CDH2: variants seen among roughly 807,000 people sequenced by gnomAD.
The protein encoded by CDH2 is cadherin-2.
In CDH2, 17 loss-of-function variants were observed where a neutral mutation model predicts 92.0. The observed-to-expected ratio is 0.18, with a 90% CI of 0.13 to 0.28. CDH2 has a LOEUF of 0.28. Among genes scored for constraint, CDH2 ranks in the 10% least tolerant of loss-of-function variants. CDH2 has a pLI of 1.00. For missense variants in CDH2, 862 were observed against 1,133.1 expected, an observed-to-expected ratio of 0.76 and a Z score of 3.44; for synonymous variants, 419 against 415.9, an observed-to-expected ratio of 1.01 and a Z score of -0.09.
Position 28,060,255 on chromosome 18 carries a change from C to T in CDH2, c.173-46346G>A, listed in dbSNP as rs1028481735. On this transcript the variant is annotated intron_variant, in intron 2 of 15. Coordinates refer to ENST00000269141, the MANE Select transcript of CDH2 (RefSeq NM_001792.5). ...AATCTGGAGTGTAGTGGCACAATCT[C>T]GGTTCACTGCACTCTCTGCCTCCCA... 1.2e-4 allele frequency among the ~76,000 whole-genome samples: 19 copies of T among 152,084 alleles called. No individual in the cohort carries two copies. The East Asian group carries it at 1.5e-3, about 12-fold the overall frequency.
chr18:27,971,398 T>C lies in CDH2; in HGVS notation c.2350-7877A>G, dbSNP rs141449981. Among the ~76,000 whole-genome samples, 5 of 151,960 alleles carry C rather than the reference T, an allele frequency of 3.3e-5. 1 individual carries two copies. In the East Asian group the frequency reaches 9.7e-4, roughly 29 times the overall value. Reference sequence around the variant, plus strand: ...TAGTAGAATATCAATAACTTTCCATTTCCCTAAAACGAAATATAGAAAATT... The same window carrying C: ...TAGTAGAATATCAATAACTTTCCATCTCCCTAAAACGAAATATAGAAAATT... On this transcript the variant is annotated intron_variant, in intron 14 of 15. Coordinates refer to ENST00000269141, the MANE Select transcript of CDH2 (RefSeq NM_001792.5).
At chr18:28,020,196 C>T (rs1490453903) in intron 2 of CDH2, among the ~76,000 whole-genome samples, 1 of 151,980 alleles carries the variant, frequency 6.6e-6, no homozygotes, top group Non-Finnish European at 1.5e-5. Context: ...GGAACAAACA[C>T]TAAAACTTAC....
At chr18:28,122,411 C>T (rs1008297594) in intron 2 of CDH2, among the ~76,000 whole-genome samples, 1 of 152,012 alleles carries the variant, frequency 6.6e-6, no homozygotes, top group African/African-American at 2.4e-5. Context: ...TTTTTGTTTT[C>T]CCTACTCATT....
At position 27,951,974 on chromosome 18, in the gene CDH2, C is replaced by T; in HGVS notation, c.*179G>A. ...AGTGTAACTGAGCTCAGTGTTTTTCCAAACAGTATGGATCACTGATATTCC... is the reference window on the plus strand; with the variant it reads ...AGTGTAACTGAGCTCAGTGTTTTTCTAAACAGTATGGATCACTGATATTCC... On this transcript the variant is annotated 3_prime_UTR_variant, in exon 16 of 16. Transcript: ENST00000269141. 2 of 599,666 alleles carry T rather than the reference C, an allele frequency of 3.3e-6. No individual in the cohort carries two copies. The highest frequency in any genetic ancestry group is 5.9e-6 in the Non-Finnish European group (2 of 336,840). The allele number at this position is 599,666 out of a possible 1,614,324, so 37.1% of individuals were successfully genotyped here.
intron 1 of CDH2, among the ~76,000 whole-genome samples, chr18:28,163,765 T>C (rs987730568): frequency 6.6e-6 from 1 of 152,202 alleles, no homozygotes; most frequent in Non-Finnish European, 1.5e-5. Context: ...AAAAATACAT[T>C]ATATATACAC....
chr18:28,068,518 TCAACAAATTAAAAA>T (rs2014553905), intron 2 of CDH2, among the ~76,000 whole-genome samples: 1 of 152,018 alleles, frequency 6.6e-6, no homozygotes, highest in African/African-American at 2.4e-5. Flanking sequence ...GTACAAAACA[TCAACAAATTAAAAA>T]TAAACTGAAT....
chr18:28,175,549 A>AG (rs112858058), intron 1 of CDH2, among the ~76,000 whole-genome samples: 17,161 of 152,050 alleles, frequency 0.11, 3,193 homozygotes, highest in African/African-American at 0.39. Flanking sequence ...ACGACCGTCT[A>AG]GGGGTTGCGG....
intron 1 of CDH2, among the ~76,000 whole-genome samples, chr18:28,168,940 A>C (rs181248234): frequency 6.6e-6 from 1 of 152,136 alleles, no homozygotes; most frequent in African/African-American, 2.4e-5. Context: ...TTTGTAGTCA[A>C]GCCCAACTTG....
At chr18:28,008,962 G>C (rs906861496) in intron 5 of CDH2, among the ~76,000 whole-genome samples, 1 of 151,856 alleles carries the variant, frequency 6.6e-6, no homozygotes, top group Non-Finnish European at 1.5e-5. Context: ...AAACAAAGTG[G>C]GTCTCTCCTT....
intron 2 of CDH2, among the ~76,000 whole-genome samples, chr18:28,085,711 G>A (rs1263128895): frequency 6.6e-6 from 1 of 152,072 alleles, no homozygotes; most frequent in African/African-American, 2.4e-5. Flanking sequence ...CTTCAACTTT[G>A]TTCTCAATCT....
chr18:28,004,629 AT>A (rs2012863057), intron 6 of CDH2, among the ~76,000 whole-genome samples: 1 of 152,210 alleles, frequency 6.6e-6, no homozygotes, highest in Non-Finnish European at 1.5e-5. Context: ...AGAAAATAAT[AT>A]AAAAAAATTT....
chr18:28,006,042 G>C (rs1373589124), intron 5 of CDH2, 49 bp from the exon 6 acceptor site: 1 of 1,427,616 alleles, frequency 7.0e-7, no homozygotes, highest in Non-Finnish European at 9.8e-7. Context: ...ATGTCTGTGA[G>C]AAGATAAATA....
At chr18:28,176,091 G>A (rs550824498) in intron 1 of CDH2, among the ~76,000 whole-genome samples, 1 of 152,320 alleles carries the variant, frequency 6.6e-6, no homozygotes, top group African/African-American at 2.4e-5. Flanking sequence ...ACTGGAGCAG[G>A]TGCTTCCTGC....
intron 14 of CDH2, among the ~76,000 whole-genome samples, chr18:27,978,406 C>T (rs2011922269): frequency 6.6e-6 from 1 of 152,144 alleles, no homozygotes; most frequent in Non-Finnish European, 1.5e-5. Flanking sequence ...CAAAGCCGCA[C>T]ACACATATCA....
At chr18:28,133,524 G>C (rs1018395392) in intron 2 of CDH2, among the ~76,000 whole-genome samples, 1 of 146,162 alleles carries the variant, frequency 6.8e-6, no homozygotes, top group African/African-American at 2.5e-5. Flanking sequence ...GGAGGTTGCA[G>C]TGAGCCGAGA....
At chr18:27,947,795 T>TATGTG (rs1909312065), downstream of CDH2, among the ~76,000 whole-genome samples, 3 of 151,832 alleles carry the variant, frequency 2.0e-5, no homozygotes, top group Non-Finnish European at 3.0e-5. Context: ...GATATAAGTA[T>TATGTG]ATGTGATGTA....
intron 12 of CDH2, 88 bp downstream of exon 12, chr18:27,985,440 G>C (rs2012199058): frequency 2.1e-6 from 2 of 946,854 alleles, no homozygotes; most frequent in Non-Finnish European, 3.2e-6. Context: ...ATAATGAGAA[G>C]ATTATGAAGC....
At chr18:28,082,668 T>C (rs1184179547) in intron 2 of CDH2, among the ~76,000 whole-genome samples, 1 of 152,212 alleles carries the variant, frequency 6.6e-6, no homozygotes, top group Admixed American at 6.5e-5. Context: ...GCATTATACA[T>C]GTTGTTTTAT....
intron 2 of CDH2, chr18:28,036,557 G>C: frequency 6.3e-7 from 1 of 1,592,750 alleles, no homozygotes; most frequent in Non-Finnish European, 8.6e-7. Flanking sequence ...ATGCCATCAA[G>C]TTTCCATTTC....
Sources: allele counts gnomAD v4.1 joint callset (sites outside exome capture counted in the v4.1 genomes callset), GRCh38; gene constraint gnomAD v4.1.1; transcripts MANE v1.5; gene names NCBI Gene and HGNC (gene_info 2026-07-23, HGNC 2026-07-21).